The following MACF1 variants were observed in gnomAD, a reference collection of about 807,000 sequenced individuals.
MACF1 encodes microtubule-actin cross-linking factor 1.
In MACF1, 193 loss-of-function variants were observed where a neutral mutation model predicts 854.8. The ratio of observed to expected loss-of-function variants is 0.23; its 90% CI spans 0.20 to 0.25. The LOEUF is 0.25. Ranked by LOEUF, MACF1 falls within the 10% of genes least tolerant of loss-of-function variation. MACF1 has a pLI of 1.00. For synonymous variants in MACF1, 3,185 were observed against 3,226.7 expected (o/e 0.99, Z 0.44); for missense variants, 7,722 against 8,929.1 (o/e 0.86, Z 5.45).
At chr1:39,441,367 G>GT (rs764165597) in intron 74 of MACF1, 42 bp downstream of exon 74, 1 of 1,526,174 alleles carries the variant, frequency 6.6e-7, no homozygotes, top group Non-Finnish European at 9.0e-7. Context: ...TACAGGTTCT[G>GT]TTTTTTGCCA....
At chr1:39,432,187 CCTA>C (rs1478750439) in intron 66 of MACF1, among the ~76,000 whole-genome samples, 2 of 152,204 alleles carry the variant, frequency 1.3e-5, no homozygotes, top group African/African-American at 4.8e-5. Context: ...TCTGACTAAA[CCTA>C]CTACTGTTCC....
rs117942915 is a variant in MACF1, at chr1:39,084,466, C to T, written c.220+28C>T. 2,244 of 1,583,426 alleles carry T rather than the reference C, an allele frequency of 1.4e-3. 61 individuals are homozygous for T. In the East Asian group the frequency reaches 0.04, roughly 28 times the overall value. ...AAGAGAGGTCCCCCAGCAGGCTGGA[C>T]GCTGTGGGTGTGAGGGAGGAATGGG... On this transcript the variant is annotated intron_variant, in intron 2 of 93. Coordinates refer to the MACF1 transcript ENST00000361689. The surrounding 1 kb of genome is among the most constrained non-coding windows in gnomAD (Gnocchi z 5.2).
chr1:39,303,057 A>G lies in MACF1; in HGVS notation c.2768A>G (p.Asp923Gly). 6.2e-7 allele frequency: 1 copy of G among 1,614,042 alleles called. No homozygotes were observed. Among genetic ancestry groups the G allele is most frequent in the Non-Finnish European group, 8.5e-7 (1 of 1,179,916 alleles). ...TTCCTCATCCCCCCACCCAATAAGG[A>G]TGCCATTGAGATGGCCAGCAGGTAA... ...VCFLIPPPNKDAIEMASRVEQ... is the reference protein window; with the variant it reads ...VCFLIPPPNKGAIEMASRVEQ... Residue 923 changes from aspartate (D) to glycine (G), a missense_variant, in exon 23 of 101, where the codon GAT (aspartate) becomes GGT (glycine). Asp to Gly is a moderately conservative substitution (Grantham distance 94, BLOSUM62 -1). This residue lies in a region of MACF1 where 1,137 missense variants were observed against 1,263.0 expected (regional missense o/e 0.90). Coordinates refer to ENST00000564288, the MANE Select transcript of MACF1 (RefSeq NM_001394062.1).
At position 39,409,995 on chromosome 1, in the gene MACF1, A is replaced by C; in HGVS notation, c.15817-12379A>C. ...TTGAAAGAGCAGTGCTCTTAAAAAAAATTAAACCATAAGCCATACAAGGAA... is the reference window on the plus strand; with the variant it reads ...TTGAAAGAGCAGTGCTCTTAAAAAACATTAAACCATAAGCCATACAAGGAA... On this transcript the variant is annotated intron_variant, in intron 58 of 100. Coordinates refer to ENST00000564288, the MANE Select transcript of MACF1 (RefSeq NM_001394062.1). This position sits in a 1 kb window ranked among gnomAD's most constrained non-coding sequence, Gnocchi z 4.2. The C allele has an allele frequency of 2.8e-6, 1 of 356,516 alleles. No individual in the cohort carries two copies. The highest frequency in any genetic ancestry group is 5.0e-6 in the Non-Finnish European group (1 of 199,214). The allele number at this position is 356,516 out of a possible 1,614,324, so 22.1% of individuals were successfully genotyped here.
At chr1:39,247,068 A>ATTT (rs58410726) in intron 2 of MACF1, among the ~76,000 whole-genome samples, 51 of 93,464 alleles carry the variant, frequency 5.5e-4, no homozygotes, top group East Asian at 1.5e-3. Context: ...TGCCCGGCTA[A>ATTT]TTTTTTTTTT....
chr1:39,420,100 G>C (rs1039540745), intron 58 of MACF1, among the ~76,000 whole-genome samples: 2 of 152,210 alleles, frequency 1.3e-5, no homozygotes, highest in African/African-American at 2.4e-5. Flanking sequence ...CGTGGCTAGT[G>C]GGTCTGAGGA....
intron 33 of MACF1, among the ~76,000 whole-genome samples, chr1:39,323,434 T>C (rs1037731474): frequency 2.0e-5 from 3 of 151,158 alleles, no homozygotes; most frequent in Non-Finnish European, 4.4e-5. Context: ...ATATATGCTA[T>C]ATATGTAACA....
At chr1:39,301,929 A>C (rs1646053001) in intron 22 of MACF1, among the ~76,000 whole-genome samples, 1 of 152,102 alleles carries the variant, frequency 6.6e-6, no homozygotes, top group Non-Finnish European at 1.5e-5. Context: ...AACTACATAC[A>C]CCACCAGAAT....
chr1:39,293,192 A>G (rs1281097255), intron 17 of MACF1, among the ~76,000 whole-genome samples: 2 of 152,190 alleles, frequency 1.3e-5, no homozygotes, highest in East Asian at 3.8e-4. Flanking sequence ...CCTGTTTATC[A>G]AGATTGTCCA....
chr1:39,480,788 A>G, intron 98 of MACF1, 132 bp from the exon 99 acceptor site: 1 of 618,354 alleles, frequency 1.6e-6, no homozygotes, highest in Admixed American at 2.6e-5. Flanking sequence ...ATGGACCAAC[A>G]TGCATTTTAT....
At chr1:39,288,744 A>T (rs1321000474) in intron 15 of MACF1, among the ~76,000 whole-genome samples, 1 of 152,154 alleles carries the variant, frequency 6.6e-6, no homozygotes, top group Admixed American at 6.5e-5. Context: ...GTGAGCCAAG[A>T]TCGCACCACT....
At chr1:39,420,199 G>T (rs1643480601) in intron 58 of MACF1, among the ~76,000 whole-genome samples, 1 of 152,206 alleles carries the variant, frequency 6.6e-6, no homozygotes, top group Non-Finnish European at 1.5e-5. Flanking sequence ...TTAAATGTCA[G>T]TTGTAGAGTG....
At chr1:39,289,811 C>G (rs1435835095) in intron 15 of MACF1, among the ~76,000 whole-genome samples, 1 of 139,876 alleles carries the variant, frequency 7.1e-6, no homozygotes, top group Non-Finnish European at 1.5e-5. Context: ...AAGCAATTCT[C>G]ATGCCTCAGC....
chr1:39,370,789 C>T (rs1163381478), intron 51 of MACF1, among the ~76,000 whole-genome samples: 2 of 151,988 alleles, frequency 1.3e-5, no homozygotes, highest in African/African-American at 4.8e-5. Flanking sequence ...AGAGCTTTCC[C>T]AACATTTTTG....
At chr1:39,432,803 A>G in intron 67 of MACF1, 149 bp downstream of exon 67, 1 of 996,444 alleles carries the variant, frequency 1.0e-6, no homozygotes, top group Non-Finnish European at 1.4e-6. Flanking sequence ...TGAGATGAGG[A>G]AGAATTTTTT....
At chr1:39,138,570 G>A (rs1208144085) in intron 2 of MACF1, among the ~76,000 whole-genome samples, 1 of 151,776 alleles carries the variant, frequency 6.6e-6, no homozygotes, top group African/African-American at 2.4e-5. Context: ...AGGCGACAGA[G>A]AGAGACTCTG....
At chr1:39,482,995 A>T (rs1381295310) in intron 99 of MACF1, among the ~76,000 whole-genome samples, 1 of 139,134 alleles carries the variant, frequency 7.2e-6, no homozygotes, top group Non-Finnish European at 1.5e-5. Flanking sequence ...CTGAGGTGGG[A>T]GGATTGCTTG....
chr1:39,309,545 TAGTC>T lies in MACF1; in HGVS notation c.2790-22_2790-19del, dbSNP rs1231689842. ...TGGAGCTGAAGTCTTACAAAGGTAA[TAGTC>T]AGGTTCTGTGTTATTTCTAGGGTCG... On this transcript the variant is annotated intron_variant, in intron 23 of 100. Coordinates refer to ENST00000564288, the MANE Select transcript of MACF1 (RefSeq NM_001394062.1). The T allele has an allele frequency of 6.2e-6, 10 of 1,613,106 alleles. No individual in the cohort carries two copies. The African/African-American group carries it at 1.1e-4, about 17-fold the overall frequency.
intron 2 of MACF1, among the ~76,000 whole-genome samples, chr1:39,159,723 T>C (rs1474466743): frequency 6.6e-6 from 1 of 152,214 alleles, no homozygotes; most frequent in Non-Finnish European, 1.5e-5. Flanking sequence ...TTCCCTTCTC[T>C]AATTAATAAG....
Sources: allele counts gnomAD v4.1 joint callset (sites outside exome capture counted in the v4.1 genomes callset), GRCh38; gene constraint gnomAD v4.1.1; regional missense constraint gnomAD v4.1.1; non-coding constraint Gnocchi (gnomAD v3.1); transcripts MANE v1.5; gene names NCBI Gene and HGNC (gene_info 2026-07-23, HGNC 2026-07-21).